Variants in PUM3 observed in about 807,000 individuals in gnomAD.
The protein encoded by PUM3 is pumilio homolog 3.
Under a neutral mutation model 84.0 loss-of-function variants are expected in PUM3, and 91 were observed. The ratio of observed to expected loss-of-function variants is 1.08; its 90% CI spans 0.91 to 1.29. PUM3 has a LOEUF of 1.29. PUM3 is among the 50% of genes most tolerant of loss of function. The probability of loss-of-function intolerance (pLI) is 0.00; values close to 1 mark genes in which losing one functional copy is unlikely to be tolerated. For synonymous variants in PUM3, 321 were observed against 266.7 expected (o/e 1.20, Z -1.98); for missense variants, 1,067 against 767.5 (o/e 1.39, Z -4.61).
chr9:2,815,393 C>G (rs1821450325), intron 13 of PUM3, among the ~76,000 whole-genome samples: 2 of 152,050 alleles, frequency 1.3e-5, no homozygotes, highest in African/African-American at 4.8e-5. Context: ...GGAGGAAGTT[C>G]TAGATTATCA....
At chr9:2,824,336 C>T (rs560501383) in intron 11 of PUM3, among the ~76,000 whole-genome samples, 1 of 152,214 alleles carries the variant, frequency 6.6e-6, no homozygotes, top group East Asian at 1.9e-4. Flanking sequence ...TACATAACAC[C>T]TATGGGAGCA....
chr9:2,833,640 AT>A (rs1344995346), intron 4 of PUM3, among the ~76,000 whole-genome samples: 1 of 152,138 alleles, frequency 6.6e-6, no homozygotes, highest in Non-Finnish European at 1.5e-5. Flanking sequence ...AAAAGGTATA[AT>A]TTTAGGTATC....
At chr9:2,825,099 A>T (rs1250703165) in intron 10 of PUM3, among the ~76,000 whole-genome samples, 1 of 152,214 alleles carries the variant, frequency 6.6e-6, no homozygotes, top group Non-Finnish European at 1.5e-5. Context: ...CTATATGTGT[A>T]ATATAATATA....
chr9:2,841,186 T>C (rs1816255768), intron 1 of PUM3, among the ~76,000 whole-genome samples: 1 of 152,186 alleles, frequency 6.6e-6, no homozygotes, highest in East Asian at 1.9e-4. Flanking sequence ...TATACATGCA[T>C]AGTTTCAGAA....
chr9:2,824,299 A>G (rs1436235590), intron 11 of PUM3, among the ~76,000 whole-genome samples: 5 of 152,200 alleles, frequency 3.3e-5, no homozygotes, highest in Non-Finnish European at 5.9e-5. Flanking sequence ...TCTGTGATTA[A>G]TAAGGATCTT....
chr9:2,807,791 A>G, intron 17 of PUM3, 23 bp downstream of exon 17: 3 of 1,497,876 alleles, frequency 2.0e-6, no homozygotes, highest in Non-Finnish European at 2.8e-6. Context: ...CCCTGCTCAG[A>G]GAAGGGCACA....
At chr9:2,832,744 G>T (rs1317886932) in intron 5 of PUM3, among the ~76,000 whole-genome samples, 1 of 152,130 alleles carries the variant, frequency 6.6e-6, no homozygotes, top group African/African-American at 2.4e-5. Flanking sequence ...ATAGCATCTG[G>T]TTAGACCTAT....
chr9:2,824,636 T>G, intron 11 of PUM3, 81 bp downstream of exon 11: 1 of 901,656 alleles, frequency 1.1e-6, no homozygotes, highest in South Asian at 3.0e-5. Context: ...GTTAAAAGTC[T>G]AAGGACAGCT....
chr9:2,826,021 G>C (rs959799578), intron 10 of PUM3, among the ~76,000 whole-genome samples: 2 of 151,850 alleles, frequency 1.3e-5, no homozygotes, highest in Non-Finnish European at 2.9e-5. Flanking sequence ...TAACATATCT[G>C]AACTTAGGAA....
chr9:2,838,262 G>A (rs1208484973), intron 2 of PUM3, among the ~76,000 whole-genome samples, 164 bp downstream of exon 2: 1 of 152,128 alleles, frequency 6.6e-6, no homozygotes, highest in African/African-American at 2.4e-5. Context: ...TTTCTTAAGT[G>A]TCTAAATGTC....
In PUM3 at chr9:2,829,871, G is replaced by A. The variant is rs760953467; in HGVS notation, c.755C>T (p.Ser252Leu). ...VRKMLRHAEA[S>L]AIVEYAYNDK... is the part of the protein sequence containing the mutation. Reference sequence around the variant, plus strand: ...ATTGTATGCGTACTCCACGATGGCTGATGCTTCCGCATGCCGCAGCATCTT... The same window carrying A: ...ATTGTATGCGTACTCCACGATGGCTAATGCTTCCGCATGCCGCAGCATCTT... The change falls in exon 8 of 18, where the codon TCA (serine) becomes TTA (leucine). Residue 252 changes from serine (S) to leucine (L), a missense_variant. Transcript: ENST00000397885. 1 of 1,614,086 alleles carries A rather than the reference G, an allele frequency of 6.2e-7. No homozygotes were observed. Among genetic ancestry groups the A allele is most frequent in the African/African-American group, 1.3e-5 (1 of 75,042 alleles).
At chr9:2,828,465 TGTTA>T (rs1469846550) in intron 9 of PUM3, 37 of 474,734 alleles carry the variant, frequency 7.8e-5, no homozygotes, top group Middle Eastern at 1.1e-3. Flanking sequence ...CACGAATGCA[TGTTA>T]GTTATCATTT....
intron 15 of PUM3, among the ~76,000 whole-genome samples, chr9:2,810,906 C>A (rs1487966592): frequency 1.3e-5 from 2 of 152,208 alleles, no homozygotes; most frequent in Non-Finnish European, 1.5e-5. Context: ...CAACCTTACT[C>A]CTCTTCAAGA....
chr9:2,815,727 G>C (rs2129809652), intron 13 of PUM3, among the ~76,000 whole-genome samples: 1 of 152,286 alleles, frequency 6.6e-6, no homozygotes, highest in South Asian at 2.1e-4. Flanking sequence ...AATAAAGCTA[G>C]CTGAGTCATG....
chr9:2,816,143 T>C (rs1821464040), intron 13 of PUM3, among the ~76,000 whole-genome samples: 1 of 152,230 alleles, frequency 6.6e-6, no homozygotes, highest in South Asian at 2.1e-4. Flanking sequence ...GTGTCCACTC[T>C]TACGGTAGTT....
chr9:2,822,062 A>AATAAC (rs1176462530), intron 12 of PUM3, among the ~76,000 whole-genome samples: 31 of 152,200 alleles, frequency 2.0e-4, no homozygotes, highest in African/African-American at 4.8e-4. Flanking sequence ...ACTCGGACAC[A>AATAAC]CATAAGCATA....
intron 13 of PUM3, among the ~76,000 whole-genome samples, chr9:2,817,013 A>T (rs1821484145): frequency 6.6e-6 from 1 of 152,228 alleles, no homozygotes; most frequent in South Asian, 2.1e-4. Flanking sequence ...TGAGTGGGAA[A>T]TAGGAACACG....
At chr9:2,810,307 C>T (rs769210898) in intron 16 of PUM3, 37 bp downstream of exon 16, 71 of 1,337,400 alleles carry the variant, frequency 5.3e-5, no homozygotes, top group Middle Eastern at 1.8e-4. Context: ...TGGAATTCCA[C>T]ATGAGATACA....
intron 17 of PUM3, 150 bp downstream of exon 17, chr9:2,807,664 T>A: frequency 6.3e-6 from 3 of 474,586 alleles, no homozygotes; most frequent in Non-Finnish European, 7.6e-6. Flanking sequence ...ATTTGCTTTC[T>A]AATATTTGGT....
Sources: gnomAD v4.1 joint callset for allele counts (sites outside exome capture counted in the v4.1 genomes callset) on GRCh38, gnomAD v4.1.1 for gene constraint, MANE v1.5 for transcripts, NCBI Gene and HGNC (gene_info 2026-07-23, HGNC 2026-07-21) for gene names.